The following MBNL1 variants were observed in gnomAD, a reference collection of about 807,000 sequenced individuals.
The protein encoded by MBNL1 is muscleblind like splicing regulator 1, also known as muscleblind-like protein 1.
A neutral mutation model predicts 42.2 loss-of-function variants in MBNL1; 8 were observed. The ratio of observed to expected loss-of-function variants is 0.19; its 90% CI spans 0.11 to 0.34. The LOEUF (loss-of-function observed/expected upper bound fraction) is 0.34, where lower values mean the gene tolerates loss of function less well. Among genes scored for constraint, MBNL1 ranks in the 10% least tolerant of loss-of-function variants. The pLI is 1.00. For synonymous variants in MBNL1, 169 were observed against 173.9 expected (o/e 0.97, Z 0.22); for missense variants, 309 against 495.3 (o/e 0.62, Z 3.57).
At chr3:152,343,501 GTGGGCACCCAA>G (rs889014341) in intron 2 of MBNL1, among the ~76,000 whole-genome samples, 3 of 152,112 alleles carry the variant, frequency 2.0e-5, no homozygotes, top group African/African-American at 7.2e-5. Flanking sequence ...CTGGGAAATA[GTGGGCACCCAA>G]TGCATGTTTG....
At chr3:152,399,848 T>C (rs2098138222) in intron 2 of MBNL1, among the ~76,000 whole-genome samples, 4 of 152,174 alleles carry the variant, frequency 2.6e-5, no homozygotes, top group African/African-American at 9.7e-5. Flanking sequence ...AAGCACATTA[T>C]CTATTTTCAT....
chr3:152,443,180 ACC>A (rs34456724), intron 4 of MBNL1, among the ~76,000 whole-genome samples: 59,275 of 142,498 alleles, frequency 0.42, 13,371 homozygotes, highest in Middle Eastern at 0.59. Context: ...ACCTGTAGAA[ACC>A]CCCCCCCCCA....
At chr3:152,423,624 C>G (rs746512349) in intron 3 of MBNL1, among the ~76,000 whole-genome samples, 24 of 152,000 alleles carry the variant, frequency 1.6e-4, no homozygotes, top group Non-Finnish European at 2.9e-4. Flanking sequence ...GGTAGAGACA[C>G]AAGAAAAAAA....
At chr3:152,286,172 G>C (rs2051588531) in intron 1 of MBNL1, among the ~76,000 whole-genome samples, 1 of 150,632 alleles carries the variant, frequency 6.6e-6, no homozygotes, top group East Asian at 1.9e-4. Flanking sequence ...CAAGGACTAG[G>C]TTTTTGTTGT....
intron 4 of MBNL1, among the ~76,000 whole-genome samples, chr3:152,435,967 TAAAG>T (rs1054619768): frequency 1.8e-4 from 28 of 152,146 alleles, no homozygotes; most frequent in African/African-American, 6.5e-4. Context: ...GTTTTCTAAA[TAAAG>T]AAACAAGTTG....
rs951488808 is a variant in MBNL1, at chr3:152,459,338, A to C, written c.*11A>C. 3 of 1,554,728 alleles carry C rather than the reference A, an allele frequency of 1.9e-6. No individual in the cohort carries two copies. The African/African-American group carries it at 4.1e-5, about 21-fold the overall frequency. ...GTTACCCAGATGTAGAATTTTCATC[A>C]CTAAACAGTAAGTTCATTATGTAAT... On this transcript the variant is annotated 3_prime_UTR_variant, in exon 9 of 10. Transcript: ENST00000324210.
chr3:152,446,588 C>CA, intron 5 of MBNL1: 2 of 702,140 alleles, frequency 2.8e-6, no homozygotes, highest in South Asian at 3.6e-5. Flanking sequence ...TGTTTTTTCT[C>CA]ACCTACCCAA....
chr3:152,343,609 G>A (rs2093728382), intron 2 of MBNL1, among the ~76,000 whole-genome samples: 1 of 152,154 alleles, frequency 6.6e-6, no homozygotes, highest in African/African-American at 2.4e-5. Flanking sequence ...AGAAATCGAG[G>A]CTGCAGTGCA....
chr3:152,348,682 A>G (rs2094571023), intron 2 of MBNL1, among the ~76,000 whole-genome samples: 1 of 152,140 alleles, frequency 6.6e-6, no homozygotes, highest in Admixed American at 6.6e-5. Flanking sequence ...CCTAAATAAA[A>G]TAAACTGAAG....
chr3:152,359,157 G>GTTT (rs2095754849), intron 2 of MBNL1, among the ~76,000 whole-genome samples: 2 of 152,138 alleles, frequency 1.3e-5, no homozygotes, highest in Non-Finnish European at 2.9e-5. Flanking sequence ...GCAAGAAATT[G>GTTT]TTTTTGCATT....
intron 2 of MBNL1, among the ~76,000 whole-genome samples, chr3:152,325,636 A>T (rs1165398137): frequency 1.3e-5 from 2 of 151,832 alleles, no homozygotes; most frequent in Non-Finnish European, 2.9e-5. Flanking sequence ...ACAGATATGG[A>T]CATTTATGTA....
chr3:152,269,511 T>G, intron 1 of MBNL1: 2 of 455,328 alleles, frequency 4.4e-6, no homozygotes, highest in Non-Finnish European at 8.8e-6. Context: ...CCCGCATCCC[T>G]GGCCCCGGGG....
intron 2 of MBNL1, among the ~76,000 whole-genome samples, chr3:152,349,488 C>T (rs1308232506): frequency 6.6e-6 from 1 of 151,946 alleles, no homozygotes; most frequent in African/African-American, 2.4e-5. Context: ...TGACTTTGAA[C>T]AGATTATTGA....
intron 2 of MBNL1, among the ~76,000 whole-genome samples, chr3:152,319,857 G>C (rs1463322371): frequency 6.6e-6 from 1 of 151,928 alleles, no homozygotes; most frequent in Non-Finnish European, 1.5e-5. Context: ...ATTGACAGAA[G>C]AGTTTAATTC....
At chr3:152,283,637 A>G (rs1425958749) in intron 1 of MBNL1, among the ~76,000 whole-genome samples, 4 of 152,202 alleles carry the variant, frequency 2.6e-5, no homozygotes, top group Admixed American at 6.5e-5. Flanking sequence ...GTGAATTCCA[A>G]TTACTAAAAA....
intron 2 of MBNL1, among the ~76,000 whole-genome samples, chr3:152,331,424 A>G (rs184752671): frequency 2.5e-4 from 38 of 152,244 alleles, no homozygotes; most frequent in Non-Finnish European, 5.4e-4. Context: ...ATGTACCATT[A>G]GAGCTTTTCA....
At position 152,402,843 on chromosome 3, in the gene MBNL1, C is replaced by T. The variant is rs564204420; in HGVS notation, c.175-12098C>T. On this transcript the variant is annotated intron_variant, in intron 2 of 9. Coordinates refer to ENST00000324210, the MANE Select transcript of MBNL1 (RefSeq NM_021038.5). The stretch of plus-strand genomic sequence containing the variant: ...TTCTGAAATATAGTCAGGACTCATT[C>T]ACTTGGTAAACACTTATGGGGTTTT... 9.2e-5 allele frequency among the ~76,000 whole-genome samples: 14 copies of T among 152,246 alleles called. No homozygotes were observed. In the South Asian group the frequency reaches 2.9e-3, roughly 32 times the overall value.
chr3:152,356,889 T>C (rs965238859), intron 2 of MBNL1, among the ~76,000 whole-genome samples: 7 of 99,152 alleles, frequency 7.1e-5, no homozygotes, highest in Non-Finnish European at 1.5e-4. Flanking sequence ...GTTCTTACTG[T>C]AACCCAGGTA....
At chr3:152,370,920 C>T (rs2096633188) in intron 2 of MBNL1, among the ~76,000 whole-genome samples, 1 of 151,884 alleles carries the variant, frequency 6.6e-6, no homozygotes, top group Non-Finnish European at 1.5e-5. Context: ...CTCCCGAATA[C>T]AGCACACCAA....
Sources: gnomAD v4.1 joint callset for allele counts (sites outside exome capture counted in the v4.1 genomes callset) on GRCh38, gnomAD v4.1.1 for gene constraint, MANE v1.5 for transcripts, NCBI Gene and HGNC (gene_info 2026-07-23, HGNC 2026-07-21) for gene names.